The following UNC13A variants were observed in gnomAD, a reference collection of about 807,000 sequenced individuals.
UNC13A encodes unc-13 homolog A.
A neutral mutation model predicts 219.7 loss-of-function variants in UNC13A; 61 were observed. That is an observed-to-expected ratio of 0.28 (90% CI 0.23 to 0.34). The LOEUF is 0.34. UNC13A is among the 10% of genes least tolerant of loss of function. The pLI is 1.00. For missense variants in UNC13A, 1,476 were observed against 2,270.3 expected, an observed-to-expected ratio of 0.65 and a Z score of 7.11; for synonymous variants, 920 against 884.6, an observed-to-expected ratio of 1.04 and a Z score of -0.71.
rs1275908833 is a variant in UNC13A, at chr19:17,601,823, G to A, written c.*4231C>T. On this transcript the variant is annotated 3_prime_UTR_variant, in exon 44 of 44. Transcript: ENST00000519716. ...TGATTTTTCTCTGAAACAATAAAAGGCAAAGAGAAAAGCAACACGTGTCAG... is the reference window on the plus strand; with the variant it reads ...TGATTTTTCTCTGAAACAATAAAAGACAAAGAGAAAAGCAACACGTGTCAG... 2.0e-5 allele frequency: 3 copies of A among 152,702 alleles called. No homozygotes were observed. Among genetic ancestry groups the A allele is most frequent in the East Asian group, 1.9e-4 (1 of 5,178 alleles). 9.5% of individuals were successfully genotyped at this position (152,702 alleles called of 1,614,324 possible). A position where few individuals can be genotyped will look rare whatever the true frequency, so the allele number is the denominator to read the frequency against.
Position 17,639,843 on chromosome 19 carries a change from G to A in UNC13A, c.2853C>T (p.Tyr951=), listed in dbSNP as rs772933685. The A allele has an allele frequency of 1.9e-6, 3 of 1,613,740 alleles. No homozygotes were observed. In the South Asian group the frequency reaches 3.3e-5, roughly 18 times the overall value. ...TTCTCATGCACACACTTCCTACCCG[G>A]TACATGGAGAGGTCAATCCGCAGGG... ...HNSLRIDLSM[Y]RNNFPASSPE... The change falls in exon 23 of 44, where the codon TAC becomes TAT. Residue 951 remains tyrosine (Y), a synonymous_variant. Coordinates refer to ENST00000519716, the MANE Select transcript of UNC13A (RefSeq NM_001080421.3).
At chr19:17,631,206 T>TCCTC (rs2076849312) in intron 28 of UNC13A, among the ~76,000 whole-genome samples, 1 of 35,048 alleles carries the variant, frequency 2.9e-5, no homozygotes, top group Non-Finnish European at 6.6e-5. Context: ...CTCCCTCCCT[T>TCCTC]CCTTCCTTCC....
rs375333119 is a variant in UNC13A, at chr19:17,624,960, C to T, written c.4074-8G>A. On this transcript the variant is annotated splice_region_variant and splice_polypyrimidine_tract_variant and intron_variant, in intron 34 of 43. Coordinates refer to ENST00000519716, the MANE Select transcript of UNC13A (RefSeq NM_001080421.3). ...TTGGCAAAGAGGGTCAGGCTGGGGACGAGGGGCAGGTCTGAGAGAGGGCCC... is the reference window on the plus strand; with the variant it reads ...TTGGCAAAGAGGGTCAGGCTGGGGATGAGGGGCAGGTCTGAGAGAGGGCCC... 10 of 1,611,758 alleles carry T rather than the reference C, an allele frequency of 6.2e-6. No individual in the cohort carries two copies. The highest frequency in any genetic ancestry group is 1.7e-5 in the Admixed American group (1 of 59,826).
At position 17,630,689 on chromosome 19, in the gene UNC13A, G is replaced by A. The variant is rs757436397; in HGVS notation, c.3490C>T (p.Leu1164=). 1.9e-6 allele frequency: 3 copies of A among 1,613,904 alleles called. No homozygotes were observed. The highest frequency in any genetic ancestry group is 1.1e-5 in the South Asian group (1 of 91,076). Residue 1164 remains leucine (L), a synonymous_variant, in exon 29 of 44, where the codon CTG becomes TTG. Transcript: ENST00000519716. The part of the protein sequence containing the change: ...DENEEVSRDF[L]HGALERDKKD... ...TTGTCTCGCTCCAGGGCACCGTGCAGGAAATCCCGGGACACCTCCTCATTC... is the reference window on the plus strand; with the variant it reads ...TTGTCTCGCTCCAGGGCACCGTGCAAGAAATCCCGGGACACCTCCTCATTC...
rs552847488 is a variant in UNC13A at position 17,605,997 on chromosome 19, C to T, written c.*57G>A. ...GGTCCCACCAAGGCGCAAGCCCCGTCCCTCCCCGCCCAGCGCCCTCCGCGC... is the reference window on the plus strand; with the variant it reads ...GGTCCCACCAAGGCGCAAGCCCCGTTCCTCCCCGCCCAGCGCCCTCCGCGC... On this transcript the variant is annotated 3_prime_UTR_variant, in exon 44 of 44. Transcript: ENST00000519716. The T allele has an allele frequency of 1.0e-4, 144 of 1,372,022 alleles. No individual in the cohort carries two copies. In the African/African-American group the frequency reaches 1.8e-3, roughly 17 times the overall value. The allele number at this position is 1,372,022 out of a possible 1,614,324, so 85.0% of individuals were successfully genotyped here.
chr19:17,618,376 C>T, intron 40 of UNC13A, 45 bp downstream of exon 40: 1 of 1,548,374 alleles, frequency 6.5e-7, no homozygotes, highest in Non-Finnish European at 8.8e-7. Context: ...GCAGCCACAC[C>T]CTCTACATCC....
At chr19:17,646,981 T>C (rs1006176739) in intron 17 of UNC13A, among the ~76,000 whole-genome samples, 2 of 152,172 alleles carry the variant, frequency 1.3e-5, no homozygotes, top group Non-Finnish European at 2.9e-5. Context: ...TCACCAGGAC[T>C]TTCTGGGGTC....
At chr19:17,640,363 G>A (rs976877367) in intron 22 of UNC13A, 148 bp downstream of exon 22, 68 of 1,141,540 alleles carry the variant, frequency 6.0e-5, no homozygotes, top group Non-Finnish European at 7.8e-5. Context: ...TTCTACAGAG[G>A]AATAAATGGA....
rs779542572 is a variant in UNC13A, at chr19:17,648,961, G to A, written c.1547C>T (p.Ala516Val). Residue 516 changes from alanine to valine, a missense_variant, in exon 15 of 44, where the codon GCG becomes GTG. By Grantham distance (64) the Ala-to-Val change is moderately conservative. Transcript: ENST00000519716. ...LAMSLVQSRKAGITSALASST... is the reference protein window; with the variant it reads ...LAMSLVQSRKVGITSALASST... Reference sequence around the variant, plus strand: ...GGAGGCCAAGGCCGAGGTGATGCCCGCTTTCCTGGACTGGACCAGGGACTG... The same window carrying A: ...GGAGGCCAAGGCCGAGGTGATGCCCACTTTCCTGGACTGGACCAGGGACTG... 2.2e-5 allele frequency: 35 copies of A among 1,604,442 alleles called. No homozygotes were observed. Among genetic ancestry groups the A allele is most frequent in the Non-Finnish European group, 2.7e-5 (32 of 1,176,064 alleles).
chr19:17,625,672 TC>T (rs755350273), intron 34 of UNC13A, among the ~76,000 whole-genome samples: 28 of 152,162 alleles, frequency 1.8e-4, no homozygotes, highest in Non-Finnish European at 3.7e-4. Context: ...TATTCATCCA[TC>T]CAAATATTTC....
At position 17,672,562 on chromosome 19, in the gene UNC13A, T is replaced by C. The variant is rs932847744; in HGVS notation, c.153-67A>G. 52 of 1,283,678 alleles carry C rather than the reference T, an allele frequency of 4.1e-5. No individual in the cohort carries two copies. In the East Asian group the frequency reaches 6.6e-4, roughly 16 times the overall value. The allele number at this position is 1,283,678 out of a possible 1,614,324, so 79.5% of individuals were successfully genotyped here. On this transcript the variant is annotated intron_variant, in intron 3 of 43. Coordinates refer to ENST00000519716, the MANE Select transcript of UNC13A (RefSeq NM_001080421.3). ...GGAAACGGGGGCCCAGGGAGTTTAG[T>C]TGATTCGCCTGAGAACACACAGCAT...
chr19:17,666,622 A>G (rs10424761), intron 7 of UNC13A, 28 bp downstream of exon 7: 1,224,304 of 1,449,616 alleles, frequency 0.84, 522,334 homozygotes, highest in Middle Eastern at 0.88. Flanking sequence ...TTCAGCTGAT[A>G]CCCAAGGAAG....
At chr19:17,646,200 T>C (rs778545042) in intron 17 of UNC13A, 89 bp from the exon 18 acceptor site, 98 of 1,546,746 alleles carry the variant, frequency 6.3e-5, no homozygotes, top group Non-Finnish European at 7.9e-5. Context: ...AGGCTGATAA[T>C]TGGGACACCT....
chr19:17,681,794 C>A (rs1337042018), intron 1 of UNC13A, among the ~76,000 whole-genome samples: 1 of 152,162 alleles, frequency 6.6e-6, no homozygotes, highest in Admixed American at 6.5e-5. Flanking sequence ...CACCCGTGTA[C>A]CCTCAACGAA....
chr19:17,616,480 G>A, intron 41 of UNC13A: 1 of 687,142 alleles, frequency 1.5e-6, no homozygotes, highest in South Asian at 1.5e-5. Flanking sequence ...TGGGGGTGGG[G>A]GTGGAAGGGG....
chr19:17,683,065 C>CAATA (rs890479959), intron 1 of UNC13A, among the ~76,000 whole-genome samples: 1 of 151,954 alleles, frequency 6.6e-6, no homozygotes, highest in African/African-American at 2.4e-5. Context: ...ACTCTGTCTC[C>CAATA]AATAAATAAA....
At chr19:17,645,617 C>A in intron 19 of UNC13A, 57 bp downstream of exon 19, 2 of 1,604,092 alleles carry the variant, frequency 1.2e-6, no homozygotes, top group Admixed American at 1.7e-5. Flanking sequence ...GGGCTCCATG[C>A]TCTGGCTGGA....
Position 17,649,203 on chromosome 19 carries a change from C to A in UNC13A, c.1524+136G>T. 4 of 1,405,676 alleles carry A rather than the reference C, an allele frequency of 2.8e-6. No individual in the cohort carries two copies. The South Asian group carries it at 5.0e-5, about 17-fold the overall frequency. The allele number at this position is 1,405,676 out of a possible 1,614,324, so 87.1% of individuals were successfully genotyped here. On this transcript the variant is annotated intron_variant, in intron 14 of 43. Coordinates refer to ENST00000519716, the MANE Select transcript of UNC13A (RefSeq NM_001080421.3). The surrounding 1 kb of genome is among the most constrained non-coding windows in gnomAD (Gnocchi z 4.4). ...ACCCTGGAAAGTGAGCAGCCCCGCA[C>A]CCCTGACTCACAGCATCCAACACAG...
At position 17,658,142 on chromosome 19, in the gene UNC13A, G is replaced by T. The variant is rs1378949234; in HGVS notation, c.687C>A (p.Arg229=). The change falls in exon 9 of 44, where the codon CGC becomes CGA. Residue 229 remains arginine (R), a synonymous_variant. Transcript: ENST00000519716. ...PNASVHQYSV[R]PPPLGSRESY... The stretch of plus-strand genomic sequence containing the variant: ...ACTCCCGGGAGCCCAGGGGTGGTGG[G>T]CGAACAGAATATTGGTGGACTGAGG... 1 of 1,613,950 alleles carries T rather than the reference G, an allele frequency of 6.2e-7. No individual in the cohort carries two copies. Among genetic ancestry groups the T allele is most frequent in the East Asian group, 2.2e-5 (1 of 44,860 alleles).
Sources: allele counts gnomAD v4.1 joint callset (sites outside exome capture counted in the v4.1 genomes callset), GRCh38; gene constraint gnomAD v4.1.1; non-coding constraint Gnocchi (gnomAD v3.1); transcripts MANE v1.5; gene names NCBI Gene and HGNC (gene_info 2026-07-23, HGNC 2026-07-21).